MTA3: variants seen among roughly 807,000 people sequenced by gnomAD.
MTA3 encodes the protein metastasis associated 1 family member 3.
Under a neutral mutation model 83.5 loss-of-function variants are expected in MTA3, and 34 were observed. The observed-to-expected ratio is 0.41, with a 90% CI of 0.31 to 0.54. MTA3 has a LOEUF of 0.54. Ranked by LOEUF, MTA3 falls within the 20% of genes least tolerant of loss-of-function variation. MTA3 has a pLI of 0.33. For synonymous variants in MTA3, 303 were observed against 252.7 expected (o/e 1.20, Z -1.89); for missense variants, 761 against 726.4 (o/e 1.05, Z -0.55).
chr2:42,646,380 T>C (rs1370460608), intron 6 of MTA3, among the ~76,000 whole-genome samples: 1 of 152,206 alleles, frequency 6.6e-6, no homozygotes, highest in Non-Finnish European at 1.5e-5. Context: ...CCTAAGGCTA[T>C]ACTTGCCATA....
intron 3 of MTA3, among the ~76,000 whole-genome samples, chr2:42,591,884 C>T (rs1558469166): frequency 6.6e-6 from 1 of 152,122 alleles, no homozygotes; most frequent in Non-Finnish European, 1.5e-5. Context: ...CTCCTGACTT[C>T]GGGATCTGCC....
At chr2:42,498,945 G>A (rs554085432) in intron 2 of MTA3, among the ~76,000 whole-genome samples, 34 of 152,104 alleles carry the variant, frequency 2.2e-4, no homozygotes, top group African/African-American at 7.2e-4. Flanking sequence ...ATCTATTTTC[G>A]TCTCTCAGAT....
At chr2:42,616,244 G>T (rs576685688) in intron 4 of MTA3, among the ~76,000 whole-genome samples, 1 of 152,134 alleles carries the variant, frequency 6.6e-6, no homozygotes, top group South Asian at 2.1e-4. Context: ...TGTATTTTTA[G>T]TTGAGACGGG....
chr2:42,748,061 CCTCT>C (rs893132306), intron 16 of MTA3, among the ~76,000 whole-genome samples: 1 of 151,968 alleles, frequency 6.6e-6, no homozygotes, highest in Non-Finnish European at 1.5e-5. Flanking sequence ...AGGGAGTCTC[CCTCT>C]GTCGCCAGGT....
rs1670279250 is a variant in MTA3 at position 42,756,911 on chromosome 2, T to A, written c.*3512T>A. 1.0e-5 allele frequency: 10 copies of A among 985,450 alleles called. No individual in the cohort carries two copies. The South Asian group carries it at 4.7e-4, about 46-fold the overall frequency. The allele number at this position is 985,450 out of a possible 1,614,324, so 61.0% of individuals were successfully genotyped here. A position where few individuals can be genotyped will look rare whatever the true frequency, so the allele number is the denominator to read the frequency against. ...TAAGGAGATGCCATCTACTAACCAA[T>A]TTGTATTGTGTTTCCAATAAATTCC... On this transcript the variant is annotated 3_prime_UTR_variant, in exon 17 of 17. Transcript: ENST00000405094.
chr2:42,702,957 C>T (rs1665718386), intron 11 of MTA3: 1 of 152,286 alleles, frequency 6.6e-6, no homozygotes, highest in Admixed American at 6.6e-5. Flanking sequence ...TGTCTCTTCC[C>T]CTCCCTGCTC....
intron 9 of MTA3, among the ~76,000 whole-genome samples, chr2:42,693,961 T>C (rs1693146853): frequency 6.6e-6 from 1 of 152,154 alleles, no homozygotes; most frequent in Non-Finnish European, 1.5e-5. Context: ...CATGGGCTCT[T>C]TAGTCAGCAG....
chr2:42,616,222 G>C lies in MTA3; in HGVS notation c.317+6638G>C, dbSNP rs1483727029. 2.0e-5 allele frequency among the ~76,000 whole-genome samples: 3 copies of C among 152,058 alleles called. No homozygotes were observed. The South Asian group carries it at 6.2e-4, about 31-fold the overall frequency. On this transcript the variant is annotated intron_variant, in intron 4 of 16. Transcript: ENST00000405094. ...TTTACAGGCATGTGCCACCACGCCTGGCTAATATTTTTGTATTTTTAGTTG... is the reference window on the plus strand; with the variant it reads ...TTTACAGGCATGTGCCACCACGCCTCGCTAATATTTTTGTATTTTTAGTTG...
intron 2 of MTA3, among the ~76,000 whole-genome samples, chr2:42,531,774 T>TC (rs940611976): frequency 2.7e-4 from 41 of 151,096 alleles, no homozygotes; most frequent in African/African-American, 1.0e-3. Context: ...TTGTTTTTTT[T>TC]GAGACGGAGT....
At chr2:42,498,875 C>T (rs1023123354) in intron 2 of MTA3, among the ~76,000 whole-genome samples, 1 of 152,144 alleles carries the variant, frequency 6.6e-6, no homozygotes, top group Admixed American at 6.6e-5. Context: ...GCCCTGAGCC[C>T]TTGACCCATC....
At chr2:42,612,385 T>A (rs1684335020) in intron 4 of MTA3, among the ~76,000 whole-genome samples, 1 of 152,074 alleles carries the variant, frequency 6.6e-6, no homozygotes, top group African/African-American at 2.4e-5. Flanking sequence ...TGGCTAATTT[T>A]TTATATTTTT....
In MTA3 at chr2:42,588,693, C is replaced by T. The variant is rs759712048; in HGVS notation, c.190+9493C>T. 2.5e-4 allele frequency among the ~76,000 whole-genome samples: 38 copies of T among 151,828 alleles called. 1 individual carries two copies. Among genetic ancestry groups the T allele is most frequent in the Admixed American group, 5.9e-4 (9 of 15,218 alleles). ...TTATACTTCTTACTATTCACCTATC[C>T]CTATAGGTGTATCAATTAGTGTTTT... On this transcript the variant is annotated intron_variant, in intron 3 of 16. Transcript: ENST00000405094.
intron 2 of MTA3, among the ~76,000 whole-genome samples, chr2:42,496,316 T>C (rs776513367): frequency 6.6e-6 from 1 of 152,168 alleles, no homozygotes; most frequent in Non-Finnish European, 1.5e-5. Flanking sequence ...TTTAATATCA[T>C]CAACCACTGC....
Position 42,753,449 on chromosome 2 carries a change from G to A in MTA3, c.*50G>A, listed in dbSNP as rs1670030547. The A allele has an allele frequency of 6.5e-7, 1 of 1,550,078 alleles. No individual in the cohort carries two copies. Among genetic ancestry groups the A allele is most frequent in the Admixed American group, 2.0e-5 (1 of 50,952 alleles). ...CCAAGACTTGCTGCACTGTCCTGCT[G>A]ATGTTCACAGCCGTGCCTGGGAAGA... On this transcript the variant is annotated 3_prime_UTR_variant, in exon 17 of 17. Transcript: ENST00000405094.
intron 2 of MTA3, among the ~76,000 whole-genome samples, chr2:42,535,808 A>G (rs1003968543): frequency 6.6e-6 from 1 of 152,124 alleles, no homozygotes; most frequent in African/African-American, 2.4e-5. Context: ...AGCTTCCAGC[A>G]TGAGCTTGGA....
At chr2:42,705,858 C>A (rs917862312) in intron 12 of MTA3, among the ~76,000 whole-genome samples, 3 of 152,090 alleles carry the variant, frequency 2.0e-5, no homozygotes, top group Admixed American at 1.3e-4. Context: ...TTACTAATCT[C>A]CATGATAAAA....
chr2:42,682,772 A>T (rs1573605204), intron 9 of MTA3, 183 bp downstream of exon 9: 10 of 606,650 alleles, frequency 1.6e-5, no homozygotes, highest in Non-Finnish European at 2.8e-6. Context: ...GAGTAGTTGT[A>T]GTAAGACCCA....
chr2:42,585,142 G>A (rs1680119132), intron 3 of MTA3, among the ~76,000 whole-genome samples: 2 of 151,752 alleles, frequency 1.3e-5, no homozygotes, highest in African/African-American at 4.9e-5. Flanking sequence ...AGGCTGGAGT[G>A]CAATGGCGCG....
intron 2 of MTA3, among the ~76,000 whole-genome samples, chr2:42,518,628 G>A (rs571387259): frequency 4.6e-5 from 7 of 152,262 alleles, no homozygotes; most frequent in African/African-American, 1.7e-4. Flanking sequence ...GAAGGAGGTT[G>A]ATCATAACTC....
Sources: gnomAD v4.1 joint callset for allele counts (sites outside exome capture counted in the v4.1 genomes callset) on GRCh38, gnomAD v4.1.1 for gene constraint, MANE v1.5 for transcripts, NCBI Gene and HGNC (gene_info 2026-07-23, HGNC 2026-07-21) for gene names.